GRAMD4: variants seen among roughly 807,000 people sequenced by gnomAD.
The protein encoded by GRAMD4 is GRAM domain containing 4.
GRAMD4 carries 25 observed loss-of-function variants against 83.9 expected under a neutral mutation model. The ratio of observed to expected loss-of-function variants is 0.30; its 90% CI spans 0.22 to 0.42. GRAMD4 has a LOEUF of 0.42. Among genes scored for constraint, GRAMD4 ranks in the 10% least tolerant of loss-of-function variants. The pLI, the probability that GRAMD4 is intolerant of heterozygous loss-of-function variation, is 1.00. For missense variants in GRAMD4, 593 were observed against 788.7 expected (o/e 0.75, Z 2.97); for synonymous variants, 336 against 320.9 (o/e 1.05, Z -0.50).
chr22:46,596,560 A>T (rs1038421507), intron 1 of GRAMD4, among the ~76,000 whole-genome samples: 1 of 152,022 alleles, frequency 6.6e-6, no homozygotes, highest in Non-Finnish European at 1.5e-5. Flanking sequence ...TTTTTCTGAG[A>T]CGGAGTCTCA....
At chr22:46,618,725 T>A (rs2147128648), upstream of GRAMD4, among the ~76,000 whole-genome samples, 2 of 152,020 alleles carry the variant, frequency 1.3e-5, no homozygotes, top group African/African-American at 4.8e-5. This position sits in a 1 kb window ranked among gnomAD's most constrained non-coding sequence, Gnocchi z 5.8. Context: ...GGCACGCGGC[T>A]GCCTGGACCA....
intron 4 of GRAMD4, 137 bp from the exon 5 acceptor site, chr22:46,661,244 G>T: frequency 1.5e-6 from 1 of 650,942 alleles, no homozygotes; most frequent in Non-Finnish European, 2.7e-6. Context: ...TTTCAGCAGT[G>T]GAGACTCTGG....
rs768349893 is a variant in GRAMD4 at position 46,579,283 on chromosome 22, C to G, written c.-50+1993C>G. ...TAGTACCCTCCTCTTATCTGTGGAG[C>G]CCGGCGCCGGCGTTAGGTGATCTTT... On this transcript the variant is annotated intron_variant, in intron 1 of 1. Transcript: ENST00000431155. Among the ~76,000 whole-genome samples the G allele has an allele frequency of 5.9e-5, 9 of 152,332 alleles. 1 individual carries two copies. The South Asian group carries it at 1.4e-3, about 25-fold the overall frequency.
chr22:46,665,513 T>C, intron 8 of GRAMD4, 102 bp from the exon 9 acceptor site: 1 of 651,420 alleles, frequency 1.5e-6, no homozygotes. Flanking sequence ...GCGGGTGGCC[T>C]GGTCTCCCCA....
In GRAMD4 at chr22:46,664,072, C is replaced by T. The variant is rs1280976138; in HGVS notation, c.672C>T (p.Ala224=). The T allele has an allele frequency of 1.2e-6, 2 of 1,613,424 alleles. No individual in the cohort carries two copies. The highest frequency in any genetic ancestry group is 1.7e-6 in the Non-Finnish European group (2 of 1,179,936). The change falls in exon 8 of 19, where the codon GCC becomes GCT. Residue 224 remains alanine, a synonymous_variant. Coordinates refer to ENST00000406902, the MANE Select transcript of GRAMD4 (RefSeq NM_015124.5). The part of the protein sequence containing the change: ...PVTNFVKNLS[A]LSDWYSVYTS... The stretch of plus-strand genomic sequence containing the variant: ...CTAACTTTGTGAAGAACCTCTCTGC[C>T]TTATCCGACTGGTACTCCGTCTACA...
At chr22:46,592,501 G>A (rs2147012321) in intron 1 of GRAMD4, among the ~76,000 whole-genome samples, 1 of 152,054 alleles carries the variant, frequency 6.6e-6, no homozygotes, top group Admixed American at 6.5e-5. Flanking sequence ...TGGCGAGCAA[G>A]GTGAAGAAGC....
downstream of GRAMD4, among the ~76,000 whole-genome samples, chr22:46,681,161 C>CTGA (rs1300227647): frequency 6.6e-6 from 1 of 150,404 alleles, no homozygotes; most frequent in East Asian, 2.0e-4. Flanking sequence ...GCAGCCCACA[C>CTGA]TGACCCCTCC....
At chr22:46,591,406 C>A (rs1259080984) in intron 1 of GRAMD4, among the ~76,000 whole-genome samples, 1 of 151,994 alleles carries the variant, frequency 6.6e-6, no homozygotes, top group East Asian at 1.9e-4. Flanking sequence ...GTCCCAGCTC[C>A]TTGGGAGGCT....
intron 16 of GRAMD4, 51 bp downstream of exon 16, chr22:46,674,801 G>A: frequency 2.3e-6 from 3 of 1,300,722 alleles, no homozygotes; most frequent in Admixed American, 1.7e-5. Flanking sequence ...GGGCGCAGGA[G>A]GCTGCCTAGG....
At chr22:46,647,432 C>T (rs1186817221) in intron 3 of GRAMD4, among the ~76,000 whole-genome samples, 1 of 152,174 alleles carries the variant, frequency 6.6e-6, no homozygotes, top group Non-Finnish European at 1.5e-5. Flanking sequence ...GCTGACCCTA[C>T]CACACCGAGT....
intron 3 of GRAMD4, among the ~76,000 whole-genome samples, chr22:46,649,080 A>G (rs2082128474): frequency 1.3e-5 from 2 of 152,230 alleles, no homozygotes; most frequent in Non-Finnish European, 2.9e-5. Flanking sequence ...AGAGCTCCAG[A>G]TGCACCACCT....
chr22:46,577,538 C>A (rs2081055406), intron 1 of GRAMD4, among the ~76,000 whole-genome samples: 1 of 150,422 alleles, frequency 6.6e-6, no homozygotes, highest in African/African-American at 2.4e-5. Context: ...CCGGGTTCTG[C>A]CCGCCGGCTG....
chr22:46,647,210 C>T (rs1204301569), intron 3 of GRAMD4, among the ~76,000 whole-genome samples: 4 of 152,186 alleles, frequency 2.6e-5, no homozygotes, highest in East Asian at 1.9e-4. Context: ...AGGGAGCAGA[C>T]AGGCAGAAGA....
At position 46,622,133 on chromosome 22, in the gene GRAMD4, C is replaced by T. The variant is rs1396070034; in HGVS notation, c.-50+1568C>T. Among the ~76,000 whole-genome samples, 1 of 152,156 alleles carries T rather than the reference C, an allele frequency of 6.6e-6. No individual in the cohort carries two copies. The highest frequency in any genetic ancestry group is 1.5e-5 in the Non-Finnish European group (1 of 68,020). ...GCGGGACACTCAGGGCCTTTGTCCCCTCTCTCATTGCCTCATTTGCTTGCC... is the reference window on the plus strand; with the variant it reads ...GCGGGACACTCAGGGCCTTTGTCCCTTCTCTCATTGCCTCATTTGCTTGCC... On this transcript the variant is annotated intron_variant, in intron 1 of 18. Transcript: ENST00000406902. The surrounding 1 kb of genome is among the most constrained non-coding windows in gnomAD (Gnocchi z 4.0).
chr22:46,644,897 CTTTTTTTTTTTTTTTTT>C (rs35677843), intron 3 of GRAMD4, among the ~76,000 whole-genome samples: 28 of 41,020 alleles, frequency 6.8e-4, no homozygotes, highest in African/African-American at 2.7e-3. Flanking sequence ...TGCACATGGC[CTTTTTTTTTTTTTTTTT>C]TTTTTTTTTT....
chr22:46,682,405 T>G (rs1485220171), downstream of GRAMD4: 2 of 984,578 alleles, frequency 2.0e-6, no homozygotes, highest in African/African-American at 3.5e-5. Context: ...ACCCCGAAAT[T>G]CACAGGTAAA....
intron 1 of GRAMD4, among the ~76,000 whole-genome samples, chr22:46,614,581 ATT>A (rs559603192): frequency 6.6e-6 from 1 of 152,190 alleles, no homozygotes; most frequent in Non-Finnish European, 1.5e-5. Flanking sequence ...TGTGGTGCTC[ATT>A]GGTGGTGGCT....
At chr22:46,679,875 G>T (rs148676149), downstream of GRAMD4, 3 of 773,916 alleles carry the variant, frequency 3.9e-6, no homozygotes, top group African/African-American at 3.8e-5. Context: ...CCTCAGTGCC[G>T]CTGCCAGCCC....
chr22:46,580,981 A>AAAAG (rs958860120), intron 1 of GRAMD4, among the ~76,000 whole-genome samples: 2 of 148,058 alleles, frequency 1.4e-5, no homozygotes, highest in African/African-American at 4.9e-5. Flanking sequence ...AAAAAAAAAA[A>AAAAG]AAAGAAAGAA....
Sources: allele counts gnomAD v4.1 joint callset (sites outside exome capture counted in the v4.1 genomes callset), GRCh38; gene constraint gnomAD v4.1.1; non-coding constraint Gnocchi (gnomAD v3.1); transcripts MANE v1.5; gene names NCBI Gene and HGNC (gene_info 2026-07-23, HGNC 2026-07-21).